Variants in CRB1 observed in about 807,000 individuals in gnomAD.
CRB1 encodes protein crumbs homolog 1.
CRB1 carries 83 observed loss-of-function variants against 120.0 expected under a neutral mutation model. The ratio of observed to expected loss-of-function variants is 0.69; its 90% CI spans 0.58 to 0.83. The LOEUF (loss-of-function observed/expected upper bound fraction) is 0.83. CRB1 is among the 40% of genes least tolerant of loss of function. The pLI, the probability that CRB1 is intolerant of heterozygous loss-of-function variation, is 0.00. For synonymous variants in CRB1, 625 were observed against 612.5 expected, an observed-to-expected ratio of 1.02 and a Z score of -0.30; for missense variants, 1,699 against 1,687.6, an observed-to-expected ratio of 1.01 and a Z score of -0.12.
At chr1:197,347,257 G>A in intron 3 of CRB1, 83 bp from the exon 4 acceptor site, 1 of 1,277,264 alleles carries the variant, frequency 7.8e-7, no homozygotes, top group South Asian at 1.2e-5. Flanking sequence ...GTCTTGGGTT[G>A]ATAGACAGTT....
At chr1:197,437,131 C>T (rs1278457657) in intron 9 of CRB1, among the ~76,000 whole-genome samples, 1 of 152,040 alleles carries the variant, frequency 6.6e-6, no homozygotes. Flanking sequence ...TTATTATTAA[C>T]AAGTAATACA....
chr1:197,447,198 G>A (rs1247779203), intron 11 of CRB1, among the ~76,000 whole-genome samples: 1 of 152,096 alleles, frequency 6.6e-6, no homozygotes, highest in Non-Finnish European at 1.5e-5. Flanking sequence ...AACCAGGGAG[G>A]GATCCACTTC....
intron 11 of CRB1, among the ~76,000 whole-genome samples, chr1:197,477,025 G>A (rs1050104906): frequency 7.2e-5 from 11 of 152,278 alleles, no homozygotes; most frequent in African/African-American, 2.4e-4. Flanking sequence ...CCCTTTGACA[G>A]GGCTCTACCT....
chr1:197,388,477 C>G (rs1467371149), intron 5 of CRB1, among the ~76,000 whole-genome samples: 1 of 152,086 alleles, frequency 6.6e-6, no homozygotes, highest in Non-Finnish European at 1.5e-5. Flanking sequence ...CATCAAGTTT[C>G]CTCTTCACTG....
chr1:197,238,370 T>C, the CRB1 span, among the ~76,000 whole-genome samples: 1 of 152,216 alleles, frequency 6.6e-6, no homozygotes, highest in African/African-American at 2.4e-5. Context: ...CTTATTTATA[T>C]AGGTATCATT....
chr1:197,370,772 A>G (rs1400669917), intron 5 of CRB1, among the ~76,000 whole-genome samples: 3 of 152,172 alleles, frequency 2.0e-5, no homozygotes, highest in Non-Finnish European at 4.4e-5. Flanking sequence ...TTTTGGTTGC[A>G]ACATTCTTCC....
chr1:197,239,684 A>C, the CRB1 span, among the ~76,000 whole-genome samples: 11 of 150,794 alleles, frequency 7.3e-5, no homozygotes, highest in African/African-American at 2.2e-4. Context: ...CAAATAATAT[A>C]ATTATTGATA....
At chr1:197,242,683 C>T in the CRB1 span, among the ~76,000 whole-genome samples, 3 of 152,096 alleles carry the variant, frequency 2.0e-5, no homozygotes, top group African/African-American at 7.2e-5. Context: ...TGATGCTGGC[C>T]TCATAAAATG....
rs1411240510 is a variant in CRB1, at chr1:197,442,215, G to T, written c.3928G>T (p.Gly1310Cys). 3 of 1,613,974 alleles carry T rather than the reference G, an allele frequency of 1.9e-6. No homozygotes were observed. The highest frequency in any genetic ancestry group is 2.2e-5 in the South Asian group (2 of 91,078). Residue 1310 changes from glycine to cysteine, a missense_variant, in exon 11 of 12, where the codon GGT (glycine) becomes TGT (cysteine). Physicochemically the swap from Gly to Cys is radical, Grantham distance 159. Coordinates refer to ENST00000367400, the MANE Select transcript of CRB1 (RefSeq NM_201253.3). ...ECASDPCVNG[G>C]LCQDLLNKFQ... is the part of the protein sequence containing the mutation. ...TGCCTCTGATCCGTGTGTCAATGGA[G>T]GTCTGTGCCAGGACTTACTCAACAA...
At chr1:197,395,267 G>A (rs1004504266) in intron 5 of CRB1, among the ~76,000 whole-genome samples, 3 of 152,064 alleles carry the variant, frequency 2.0e-5, no homozygotes, top group African/African-American at 7.2e-5. Context: ...AGTGAGAGTT[G>A]AATGAAATAA....
intron 1 of CRB1, among the ~76,000 whole-genome samples, chr1:197,268,909 TG>T (rs1654753543): frequency 6.6e-6 from 1 of 152,230 alleles, no homozygotes; most frequent in Non-Finnish European, 1.5e-5. Context: ...AATAACTCTG[TG>T]TTGCAACATT....
intron 1 of CRB1, among the ~76,000 whole-genome samples, chr1:197,301,072 C>T (rs1002285897): frequency 6.6e-6 from 1 of 151,594 alleles, no homozygotes; most frequent in Admixed American, 6.6e-5. Context: ...ATTGACAATG[C>T]CCCTAGTCAC....
At chr1:197,277,385 G>C (rs971068858) in intron 1 of CRB1, among the ~76,000 whole-genome samples, 1 of 151,968 alleles carries the variant, frequency 6.6e-6, no homozygotes, top group African/African-American at 2.4e-5. Flanking sequence ...ATTAGTGAGA[G>C]CAGAGTGCTA....
At chr1:197,426,384 G>A (rs1166515529) in intron 6 of CRB1, among the ~76,000 whole-genome samples, 11 of 151,676 alleles carry the variant, frequency 7.3e-5, no homozygotes, top group Admixed American at 3.3e-4. Context: ...CCTCCAAATC[G>A]CCCTATTCCC....
At chr1:197,408,013 T>A (rs2759655) in intron 5 of CRB1, among the ~76,000 whole-genome samples, 50,325 of 152,074 alleles carry the variant, frequency 0.33, 8,735 homozygotes, top group African/African-American at 0.42. Context: ...AGATATATAC[T>A]TTATAGCAGT....
At chr1:197,307,108 C>T (rs971539443) in intron 1 of CRB1, among the ~76,000 whole-genome samples, 1 of 152,178 alleles carries the variant, frequency 6.6e-6, no homozygotes, top group Non-Finnish European at 1.5e-5. Context: ...TTATTAAGCA[C>T]CTTTTTGCTT....
chr1:197,447,685 A>T (rs1005946248), intron 11 of CRB1, among the ~76,000 whole-genome samples: 2 of 151,994 alleles, frequency 1.3e-5, no homozygotes, highest in Admixed American at 1.3e-4. Context: ...TGACAAAAAA[A>T]AAGAAAAGAA....
intron 2 of CRB1, among the ~76,000 whole-genome samples, chr1:197,333,077 T>C (rs1658957012): frequency 6.6e-6 from 1 of 152,144 alleles, no homozygotes; most frequent in Admixed American, 6.5e-5. Context: ...AGAGTGATCA[T>C]AAAGAACTCC....
At chr1:197,364,249 G>T (rs1238440453) in intron 5 of CRB1, among the ~76,000 whole-genome samples, 2 of 152,078 alleles carry the variant, frequency 1.3e-5, no homozygotes, top group Non-Finnish European at 2.9e-5. Context: ...TTGCAAAAAA[G>T]AAAAAGAAAA....
Sources: allele counts gnomAD v4.1 joint callset (sites outside exome capture counted in the v4.1 genomes callset), GRCh38; gene constraint gnomAD v4.1.1; transcripts MANE v1.5; gene names NCBI Gene and HGNC (gene_info 2026-07-23, HGNC 2026-07-21).